UBE2E2: variants seen among roughly 807,000 people sequenced by gnomAD.
UBE2E2 encodes the protein ubiquitin-conjugating enzyme E2 E2.
UBE2E2 carries 6 observed loss-of-function variants against 24.7 expected under a neutral mutation model. That is an observed-to-expected ratio of 0.24 (90% CI 0.13 to 0.48). The LOEUF (loss-of-function observed/expected upper bound fraction) is 0.48. Ranked by LOEUF, UBE2E2 falls within the 20% of genes least tolerant of loss-of-function variation. The probability of loss-of-function intolerance (pLI) is 0.99; values close to 1 mark genes in which losing one functional copy is unlikely to be tolerated. For missense variants in UBE2E2, 169 were observed against 245.0 expected (o/e 0.69, Z 2.07); for synonymous variants, 104 against 83.6 (o/e 1.24, Z -1.33).
intron 3 of UBE2E2, among the ~76,000 whole-genome samples, chr3:23,326,917 T>C (rs1694906083): frequency 6.6e-6 from 1 of 151,700 alleles, no homozygotes; most frequent in African/African-American, 2.4e-5. Flanking sequence ...AGTGAGAACA[T>C]GCGATGTTTG....
chr3:23,217,755 C>T (rs960228480), intron 3 of UBE2E2, among the ~76,000 whole-genome samples: 1 of 151,764 alleles, frequency 6.6e-6, no homozygotes, highest in Non-Finnish European at 1.5e-5. Context: ...TATTTCTTGT[C>T]GTCATTGGTT....
chr3:23,478,334 G>C lies in UBE2E2; in HGVS notation c.228-21274G>C, dbSNP rs115699004. ...ATAATTTATTTTGCTGGTTAGGAGT[G>C]AAACCAGGTTTTACAAAGTGGCTAA... On this transcript the variant is annotated intron_variant, in intron 3 of 5. Transcript: ENST00000396703. Among the ~76,000 whole-genome samples, 264 of 152,312 alleles carry C rather than the reference G, an allele frequency of 1.7e-3. 1 individual carries two copies. Among genetic ancestry groups the C allele is most frequent in the African/African-American group, 6.1e-3 (253 of 41,578 alleles).
At chr3:23,486,356 C>G (rs1343466570) in intron 3 of UBE2E2, among the ~76,000 whole-genome samples, 1 of 152,192 alleles carries the variant, frequency 6.6e-6, no homozygotes, top group East Asian at 1.9e-4. Context: ...CCAGGAACTT[C>G]AGAGCCCCAT....
intron 3 of UBE2E2, among the ~76,000 whole-genome samples, chr3:23,338,382 A>G (rs1326315571): frequency 6.6e-6 from 1 of 152,206 alleles, no homozygotes; most frequent in African/African-American, 2.4e-5. Context: ...ACCTTGGATT[A>G]GAATTTGAGA....
chr3:23,308,629 A>G (rs144624150), intron 3 of UBE2E2, among the ~76,000 whole-genome samples: 5 of 152,244 alleles, frequency 3.3e-5, no homozygotes, highest in African/African-American at 4.8e-5. Flanking sequence ...AAAATTTGCT[A>G]TGTTTTGGAT....
At position 23,589,418 on chromosome 3, in the gene UBE2E2, G is replaced by A. The variant is rs1157359053; in HGVS notation, c.509-316G>A. 2.2e-5 allele frequency among the ~76,000 whole-genome samples: 3 copies of A among 138,852 alleles called. No individual in the cohort carries two copies. Among genetic ancestry groups the A allele is most frequent in the Non-Finnish European group, 4.6e-5 (3 of 65,298 alleles). The allele number at this position is 138,852 out of a possible 152,430, so 91.1% of individuals were successfully genotyped here. On this transcript the variant is annotated intron_variant, in intron 5 of 5. Coordinates refer to ENST00000396703, the MANE Select transcript of UBE2E2 (RefSeq NM_152653.4). This position sits in a 1 kb window ranked among gnomAD's most constrained non-coding sequence, Gnocchi z 4.1. ...AGCCTGAGTGACAGAGCAACACCCT[G>A]TCTCAAAAGAAAAAAAAAAAAACCA...
chr3:23,362,246 A>C (rs568040614), intron 3 of UBE2E2, among the ~76,000 whole-genome samples: 1 of 152,190 alleles, frequency 6.6e-6, no homozygotes, highest in Non-Finnish European at 1.5e-5. Context: ...ATCTGGGCTC[A>C]GTGTGGAGCC....
intron 5 of UBE2E2, among the ~76,000 whole-genome samples, chr3:23,572,290 T>TA (rs1559426080): frequency 6.6e-6 from 1 of 152,326 alleles, no homozygotes; most frequent in South Asian, 2.1e-4. Flanking sequence ...CCTTCCAAAC[T>TA]ACAAAAACCC....
chr3:23,466,183 A>G (rs961857503), intron 3 of UBE2E2, among the ~76,000 whole-genome samples: 3 of 152,250 alleles, frequency 2.0e-5, no homozygotes, highest in Non-Finnish European at 4.4e-5. Context: ...CACCAAAGCC[A>G]TGACTTCATG....
At chr3:23,558,944 G>C (rs920998124) in intron 5 of UBE2E2, among the ~76,000 whole-genome samples, 1 of 152,136 alleles carries the variant, frequency 6.6e-6, no homozygotes, top group Non-Finnish European at 1.5e-5. Flanking sequence ...AAAATAAATT[G>C]TATAGACACC....
intron 3 of UBE2E2, among the ~76,000 whole-genome samples, chr3:23,396,412 G>C (rs188839591): frequency 1.3e-5 from 2 of 148,916 alleles, no homozygotes; most frequent in African/African-American, 4.9e-5. Flanking sequence ...GTATATATAC[G>C]TGTACATACA....
intron 5 of UBE2E2, among the ~76,000 whole-genome samples, chr3:23,587,876 A>C (rs956444461): frequency 4.6e-5 from 7 of 152,222 alleles, no homozygotes; most frequent in Admixed American, 2.0e-4. Context: ...AACGTTTCGA[A>C]CAAACCCACA....
chr3:23,417,822 C>A (rs1220256758), intron 3 of UBE2E2, among the ~76,000 whole-genome samples: 1 of 152,172 alleles, frequency 6.6e-6, no homozygotes, highest in African/African-American at 2.4e-5. Context: ...TGGGCCCTAC[C>A]CAGTTTGAAC....
chr3:23,250,017 C>T (rs1176890834), intron 3 of UBE2E2, among the ~76,000 whole-genome samples: 2 of 152,166 alleles, frequency 1.3e-5, no homozygotes, highest in African/African-American at 2.4e-5. Context: ...AGTTATATGC[C>T]AGACACTGAT....
chr3:23,523,582 A>T (rs1694916891), intron 4 of UBE2E2, among the ~76,000 whole-genome samples: 1 of 120,024 alleles, frequency 8.3e-6, no homozygotes, highest in East Asian at 2.9e-4. Context: ...CTTCACTGCC[A>T]GTTATTCAAG....
intron 3 of UBE2E2, among the ~76,000 whole-genome samples, chr3:23,350,771 G>T (rs1214298448): frequency 1.3e-5 from 2 of 152,212 alleles, no homozygotes; most frequent in African/African-American, 2.4e-5. Flanking sequence ...TGGTGTACCT[G>T]AAAGTGACGG....
chr3:23,355,015 G>T (rs1695898881), intron 3 of UBE2E2, among the ~76,000 whole-genome samples: 1 of 151,964 alleles, frequency 6.6e-6, no homozygotes, highest in Admixed American at 6.6e-5. Context: ...TTAAGAAAAT[G>T]TGGCACATAT....
intron 3 of UBE2E2, among the ~76,000 whole-genome samples, chr3:23,227,027 C>T (rs1696845374): frequency 6.6e-6 from 1 of 150,768 alleles, no homozygotes; most frequent in Non-Finnish European, 1.5e-5. Context: ...ACTGGCCCAC[C>T]TTGTTGATGG....
At chr3:23,293,300 A>C (rs1212514535) in intron 3 of UBE2E2, among the ~76,000 whole-genome samples, 3 of 152,192 alleles carry the variant, frequency 2.0e-5, no homozygotes, top group Non-Finnish European at 4.4e-5. Flanking sequence ...CTTACATTTA[A>C]TACATGTGAA....
Sources: allele counts gnomAD v4.1 joint callset (sites outside exome capture counted in the v4.1 genomes callset), GRCh38; gene constraint gnomAD v4.1.1; non-coding constraint Gnocchi (gnomAD v3.1); transcripts MANE v1.5; gene names NCBI Gene and HGNC (gene_info 2026-07-23, HGNC 2026-07-21).